The following ZNF66 variants were observed in gnomAD, a reference collection of about 807,000 sequenced individuals.
The protein encoded by ZNF66 is putative zinc finger protein 66.
ZNF66 carries 32 observed loss-of-function variants against 35.2 expected under a neutral mutation model. The ratio of observed to expected loss-of-function variants is 0.91; its 90% CI spans 0.69 to 1.22. ZNF66 has a LOEUF of 1.22. ZNF66 is among the 50% of genes most tolerant of loss of function. The pLI is 0.00. For missense variants in ZNF66, 666 were observed against 543.1 expected, an observed-to-expected ratio of 1.23 and a Z score of -2.25; for synonymous variants, 231 against 181.3, an observed-to-expected ratio of 1.27 and a Z score of -2.20.
chr19:20,799,734 A>T (rs912514033), intron 3 of ZNF66, among the ~76,000 whole-genome samples: 21 of 152,184 alleles, frequency 1.4e-4, no homozygotes, highest in Non-Finnish European at 2.5e-4. Flanking sequence ...TCTGTGGAAG[A>T]TCATTTGATC....
chr19:20,777,452 A>ATTTTTTTT (rs756548895), intron 1 of ZNF66, among the ~76,000 whole-genome samples: 2 of 123,148 alleles, frequency 1.6e-5, no homozygotes, highest in South Asian at 2.6e-4. Flanking sequence ...TTGAGCTTAG[A>ATTTTTTTT]TTTTTTTTTT....
chr19:20,793,052 G>A (rs1971353217), intron 2 of ZNF66, among the ~76,000 whole-genome samples: 1 of 149,896 alleles, frequency 6.7e-6, no homozygotes, highest in South Asian at 2.1e-4. Context: ...GGGCAACAGA[G>A]CAAGATTCTG....
intron 3 of ZNF66, chr19:20,799,466 T>G (rs1433647224): frequency 7.1e-6 from 1 of 140,004 alleles, no homozygotes; most frequent in Non-Finnish European, 1.6e-5. Context: ...ATGGATTTTA[T>G]TTTTACACCT....
intron 1 of ZNF66, among the ~76,000 whole-genome samples, chr19:20,791,395 G>T (rs1386672564): frequency 6.7e-6 from 1 of 148,724 alleles, no homozygotes; most frequent in African/African-American, 2.5e-5. Context: ...TGAGGGAGGA[G>T]AACCACTTGA....
chr19:20,776,327 C>G lies in ZNF66; in HGVS notation c.-121C>G, dbSNP rs150438174. ...TTGTCTCTCCCTGCAGCTGGAGCTC[C>G]AGGTCGTCTGTTCACTGCTCTCTGT... On this transcript the variant is annotated 5_prime_UTR_variant, in exon 1 of 4. Transcript: ENST00000344519. 518 of 1,435,228 alleles carry G rather than the reference C, an allele frequency of 3.6e-4. 5 individuals are homozygous for G. In the East Asian group the frequency reaches 0.012, roughly 32 times the overall value. The allele number at this position is 1,435,228 out of a possible 1,614,324, so 88.9% of individuals were successfully genotyped here.
chr19:20,799,686 G>A (rs1274320011), intron 3 of ZNF66, among the ~76,000 whole-genome samples: 1 of 151,862 alleles, frequency 6.6e-6, no homozygotes, highest in Non-Finnish European at 1.5e-5. Flanking sequence ...ATCATTTTTT[G>A]AAGAGATTAT....
chr19:20,806,329 C>A lies in ZNF66; in HGVS notation c.729C>A (p.Asn243Lys), dbSNP rs765450270. 4 of 1,541,992 alleles carry A rather than the reference C, an allele frequency of 2.6e-6. No individual in the cohort carries two copies. The highest frequency in any genetic ancestry group is 3.6e-6 in the Non-Finnish European group (4 of 1,115,184). Residue 243 changes from asparagine (N) to lysine (K), a missense_variant, in exon 4 of 4, where the codon AAC becomes AAA. Transcript: ENST00000344519. ...GCAAAGCCTTTAACCGCTCCTCTAA[C>A]CTTACTACACATAAGAAAATTCATA... Reference protein sequence around the residue: ...DCGKAFNRSSNLTTHKKIHTG... With the variant: ...DCGKAFNRSSKLTTHKKIHTG...
In ZNF66 at chr19:20,797,452, C is replaced by T. The variant is rs1430822459; in HGVS notation, c.226+3574C>T. On this transcript the variant is annotated intron_variant, in intron 3 of 3. Transcript: ENST00000344519. Reference sequence around the variant, plus strand: ...CGATCTCCTGACCTCGTGATCCGCCCGCCTCGGCCTCCCAAAGTGCTGGGA... The same window carrying T: ...CGATCTCCTGACCTCGTGATCCGCCTGCCTCGGCCTCCCAAAGTGCTGGGA... Among the ~76,000 whole-genome samples the T allele has an allele frequency of 2.4e-5, 3 of 123,826 alleles. 1 individual carries two copies. The highest frequency in any genetic ancestry group is 5.5e-5 in the Non-Finnish European group (3 of 55,024). The allele number at this position is 123,826 out of a possible 152,430, so 81.2% of individuals were successfully genotyped here.
intron 1 of ZNF66, among the ~76,000 whole-genome samples, chr19:20,781,022 G>T (rs1185230778): frequency 6.6e-6 from 1 of 152,142 alleles, no homozygotes; most frequent in African/African-American, 2.4e-5. Context: ...GTCTCTGCAA[G>T]TCTCCTGGCA....
intron 2 of ZNF66, among the ~76,000 whole-genome samples, chr19:20,793,515 G>T (rs1183073291): frequency 6.6e-6 from 1 of 151,518 alleles, no homozygotes; most frequent in Non-Finnish European, 1.5e-5. Flanking sequence ...TAGAGATGGG[G>T]TTTCACCATG....
intron 3 of ZNF66, among the ~76,000 whole-genome samples, chr19:20,803,746 C>T (rs888474709): frequency 3.3e-5 from 5 of 151,978 alleles, no homozygotes; most frequent in African/African-American, 1.2e-4. Flanking sequence ...GGAGGAAACT[C>T]ACCATCTTTG....
chr19:20,790,906 T>C lies in ZNF66; in HGVS notation c.4-1606T>C, dbSNP rs148532345. ...GTTTGGTTTAAGTACTTCTTAAAAT[T>C]CTTATGATAGTCAAACGTGTCTGAA... is the stretch of plus-strand genomic sequence containing the variant. On this transcript the variant is annotated intron_variant, in intron 1 of 3. Transcript: ENST00000344519. Among the ~76,000 whole-genome samples, 491 of 152,316 alleles carry C rather than the reference T, an allele frequency of 3.2e-3. 2 individuals are homozygous for C. The highest frequency in any genetic ancestry group is 0.011 in the African/African-American group (448 of 41,580).
Position 20,806,927 on chromosome 19 carries a change from CA to C in ZNF66, c.1328del (p.His443LeufsTer3), listed in dbSNP as rs1568501957. 10 of 1,203,628 alleles carry C rather than the reference CA, an allele frequency of 8.3e-6. No individual in the cohort carries two copies. Among genetic ancestry groups the C allele is most frequent in the Non-Finnish European group, 1.2e-5 (10 of 807,364 alleles). The allele number at this position is 1,203,628 out of a possible 1,614,324, so 74.6% of individuals were successfully genotyped here. A position where few individuals can be genotyped will look rare whatever the true frequency, so the allele number is the denominator to read the frequency against. On this transcript the variant is annotated frameshift_variant, in exon 4 of 4. Transcript: ENST00000344519. LOFTEE classifies it high-confidence loss of function. ...CAGTCGGTCCTCTATTCTTACTACA[CA>C]TAAGATAATTCACACTGGAGAGAAA... ...AFSRSSILTT[H>X]KIIHTGEKPY...
intron 1 of ZNF66, among the ~76,000 whole-genome samples, chr19:20,785,862 A>G (rs1485386949): frequency 2.6e-5 from 4 of 151,948 alleles, no homozygotes; most frequent in Admixed American, 6.6e-5. Flanking sequence ...CCCGGGTTCA[A>G]GTGACTCTCC....
At chr19:20,779,817 A>G (rs886971604) in intron 1 of ZNF66, among the ~76,000 whole-genome samples, 2 of 151,212 alleles carry the variant, frequency 1.3e-5, no homozygotes, top group African/African-American at 4.9e-5. Context: ...AATCCCATCT[A>G]CTCGGGAGGC....
chr19:20,781,032 A>T (rs985718318), intron 1 of ZNF66, among the ~76,000 whole-genome samples: 1 of 152,196 alleles, frequency 6.6e-6, no homozygotes, highest in Non-Finnish European at 1.5e-5. Flanking sequence ...GTCTCCTGGC[A>T]TATCCCCATC....
intron 3 of ZNF66, among the ~76,000 whole-genome samples, chr19:20,805,126 T>TGTGTGTGTGTGTGAGA (rs752355466): frequency 1.0e-4 from 15 of 146,080 alleles, no homozygotes; most frequent in African/African-American, 3.8e-4. Context: ...TGTGTGTGTG[T>TGTGTGTGTGTGTGAGA]GAGAGAGAGA....
At chr19:20,778,262 G>A (rs1310937441) in intron 1 of ZNF66, among the ~76,000 whole-genome samples, 2 of 152,046 alleles carry the variant, frequency 1.3e-5, no homozygotes, top group Non-Finnish European at 2.9e-5. Context: ...ACCACGTCCA[G>A]CCAATTTTTT....
At chr19:20,780,040 G>A (rs1971232144) in intron 1 of ZNF66, among the ~76,000 whole-genome samples, 1 of 152,148 alleles carries the variant, frequency 6.6e-6, no homozygotes, top group South Asian at 2.1e-4. Flanking sequence ...GAACCCAGGA[G>A]GTGGAGGTTG....
Sources: allele counts gnomAD v4.1 joint callset (sites outside exome capture counted in the v4.1 genomes callset), GRCh38; gene constraint gnomAD v4.1.1; transcripts MANE v1.5; gene names NCBI Gene and HGNC (gene_info 2026-07-23, HGNC 2026-07-21).